The following ZMYM2 variants were observed in gnomAD, a reference collection of about 807,000 sequenced individuals.
The protein encoded by ZMYM2 is zinc finger MYM-type containing 2.
ZMYM2 carries 56 observed loss-of-function variants against 162.8 expected under a neutral mutation model. That is an observed-to-expected ratio of 0.34 (90% confidence interval 0.28 to 0.43). The LOEUF is 0.43. Ranked by LOEUF, ZMYM2 falls within the 20% of genes least tolerant of loss-of-function variation. The probability of loss-of-function intolerance (pLI) is 1.00; values close to 1 mark genes in which losing one functional copy is unlikely to be tolerated. For synonymous variants in ZMYM2, 510 were observed against 541.6 expected (o/e 0.94, Z 0.81); for missense variants, 1,275 against 1,621.8 (o/e 0.79, Z 3.67).
intron 6 of ZMYM2, among the ~76,000 whole-genome samples, chr13:20,017,781 T>A (rs1163081945): frequency 6.6e-6 from 1 of 152,190 alleles, no homozygotes; most frequent in Non-Finnish European, 1.5e-5. Flanking sequence ...TCTAGAAGTT[T>A]CTGTGTTTTC....
intron 6 of ZMYM2, among the ~76,000 whole-genome samples, 153 bp downstream of exon 6, chr13:20,006,739 A>G (rs763105150): frequency 6.6e-6 from 1 of 152,232 alleles, no homozygotes; most frequent in Non-Finnish European, 1.5e-5. Flanking sequence ...TACTGAATGC[A>G]TAGTGCTTTG....
chr13:20,026,495 C>G, intron 7 of ZMYM2, 117 bp from the exon 8 acceptor site: 1 of 985,346 alleles, frequency 1.0e-6, no homozygotes, highest in Non-Finnish European at 1.5e-6. Flanking sequence ...GACTCTAAAC[C>G]TGTTTAGAGA....
chr13:19,940,878 G>C, the ZMYM2 span, among the ~76,000 whole-genome samples: 1 of 152,168 alleles, frequency 6.6e-6, no homozygotes, highest in African/African-American at 2.4e-5. Flanking sequence ...TACACCTATA[G>C]TTATGCCAGG....
At chr13:19,895,047 A>G in the ZMYM2 span, among the ~76,000 whole-genome samples, 6 of 136,300 alleles carry the variant, frequency 4.4e-5, no homozygotes, top group African/African-American at 1.6e-4. Context: ...ACTTCACTCC[A>G]GACTGGGCGA....
the ZMYM2 span, among the ~76,000 whole-genome samples, chr13:19,942,932 A>G: frequency 6.6e-6 from 1 of 152,140 alleles, no homozygotes; most frequent in Non-Finnish European, 1.5e-5. Flanking sequence ...GCTAAAAGCT[A>G]TATAGAAATT....
At chr13:19,912,292 G>GTTTTTTTTTTTTTTTTTTTTTTGTTT in the ZMYM2 span, among the ~76,000 whole-genome samples, 1 of 75,714 alleles carries the variant, frequency 1.3e-5, no homozygotes, top group African/African-American at 5.2e-5. Flanking sequence ...TGTTTTTTGG[G>GTTTTTTTTTTTTTTTTTTTTTTGTTT]TTTTTTTTTT....
At chr13:19,910,586 T>A in the ZMYM2 span, among the ~76,000 whole-genome samples, 1 of 150,424 alleles carries the variant, frequency 6.6e-6, no homozygotes, top group Non-Finnish European at 1.5e-5. Flanking sequence ...AGTGCAGTGG[T>A]GTGATCTTGG....
chr13:20,046,619 GTATA>G (rs1200652740), intron 12 of ZMYM2, among the ~76,000 whole-genome samples: 39 of 59,082 alleles, frequency 6.6e-4, no homozygotes, highest in East Asian at 3.0e-3. Context: ...ATATATATGT[GTATA>G]TATATGTGTA....
At chr13:19,937,765 T>C in the ZMYM2 span, among the ~76,000 whole-genome samples, 2 of 150,274 alleles carry the variant, frequency 1.3e-5, no homozygotes. Flanking sequence ...ATTAGGTATA[T>C]CTCCTAGTGC....
chr13:20,035,512 G>T (rs1021901149), intron 11 of ZMYM2, among the ~76,000 whole-genome samples: 1 of 152,278 alleles, frequency 6.6e-6, no homozygotes, highest in South Asian at 2.1e-4. Context: ...TTACATTTGA[G>T]TTGTGCAATG....
intron 12 of ZMYM2, among the ~76,000 whole-genome samples, chr13:20,048,528 A>G (rs928357208): frequency 2.0e-5 from 3 of 151,906 alleles, no homozygotes; most frequent in Non-Finnish European, 4.4e-5. Flanking sequence ...AAATACCCCT[A>G]TCTTTTTCGT....
the ZMYM2 span, among the ~76,000 whole-genome samples, chr13:19,892,115 A>AT: frequency 3.5e-4 from 53 of 151,134 alleles, no homozygotes; most frequent in Middle Eastern, 3.4e-3. Context: ...TAATTTTTAA[A>AT]TTTTTTTTGT....
chr13:20,051,519 A>G lies in ZMYM2; in HGVS notation c.2379A>G (p.Gln793=), dbSNP rs368062348. 17 of 1,613,554 alleles carry G rather than the reference A, an allele frequency of 1.1e-5. No homozygotes were observed. In the African/African-American group the frequency reaches 2.1e-4, roughly 20 times the overall value. ...WRGEMKHFCD[Q]HCLLRFYCQQ... is the part of the protein sequence containing the mutation. ...GGGAAATGAAACATTTCTGTGATCA[A>G]CATTGCTTACTGCGTTTCTACTGTC... The change falls in exon 13 of 25, where the codon CAA becomes CAG. Residue 793 remains glutamine, a synonymous_variant. Transcript: ENST00000610343.
Position 20,020,337 on chromosome 13 carries a change from C to G in ZMYM2, c.1584+719C>G, listed in dbSNP as rs9509006. On this transcript the variant is annotated intron_variant, in intron 7 of 24. Transcript: ENST00000610343. Reference sequence around the variant, plus strand: ...GCAACCTCCGCCCCCTGGGTTCAAGCGATTCTCCTGCCTCAGCCTCCCAAG... The same window carrying G: ...GCAACCTCCGCCCCCTGGGTTCAAGGGATTCTCCTGCCTCAGCCTCCCAAG... Among the ~76,000 whole-genome samples, 3 of 151,332 alleles carry G rather than the reference C, an allele frequency of 2.0e-5. No individual in the cohort carries two copies. The Admixed American group carries it at 2.0e-4, about 10-fold the overall frequency.
chr13:20,058,750 T>C, intron 15 of ZMYM2, 46 bp downstream of exon 15: 2 of 1,602,512 alleles, frequency 1.2e-6, no homozygotes, highest in Non-Finnish European at 1.7e-6. Flanking sequence ...TACCTTCATC[T>C]CACCTAATGA....
intron 3 of ZMYM2, among the ~76,000 whole-genome samples, chr13:19,997,075 A>G (rs1048248460): frequency 1.3e-5 from 2 of 152,184 alleles, no homozygotes; most frequent in Non-Finnish European, 2.9e-5. Context: ...ACCACTATCA[A>G]TGCTTTGGGT....
chr13:19,989,849 T>G (rs1949468467), intron 2 of ZMYM2, among the ~76,000 whole-genome samples: 1 of 152,238 alleles, frequency 6.6e-6, no homozygotes, highest in South Asian at 2.1e-4. Flanking sequence ...GTTCTGTAAC[T>G]TTTAAAAGTC....
At chr13:19,897,074 A>C in the ZMYM2 span, among the ~76,000 whole-genome samples, 1 of 148,236 alleles carries the variant, frequency 6.7e-6, no homozygotes, top group Non-Finnish European at 1.5e-5. Context: ...CTCTGCCTCA[A>C]AAAAAAAAAA....
In ZMYM2 at chr13:20,082,993, C is replaced by T. The variant is rs773436243; in HGVS notation, c.3781C>T (p.Arg1261Ter). ...PLTMENKACL[R>*]YQVSSLCGTD... Reference sequence around the variant, plus strand: ...AACGATGGAAAACAAAGCGTGTCTTCGATACCAAGTGTCTTCCTTGTGTGG... The same window carrying T: ...AACGATGGAAAACAAAGCGTGTCTTTGATACCAAGTGTCTTCCTTGTGTGG... The change falls in exon 23 of 25, where the codon CGA becomes TGA. Residue 1261 changes from arginine (R) to a stop codon, truncating the protein, a stop_gained. Transcript: ENST00000610343. LOFTEE classifies it high-confidence loss of function. 2 of 1,613,772 alleles carry T rather than the reference C, an allele frequency of 1.2e-6. No individual in the cohort carries two copies. The highest frequency in any genetic ancestry group is 1.7e-6 in the Non-Finnish European group (2 of 1,179,756).
Sources: allele counts gnomAD v4.1 joint callset (sites outside exome capture counted in the v4.1 genomes callset), GRCh38; gene constraint gnomAD v4.1.1; transcripts MANE v1.5; gene names NCBI Gene and HGNC (gene_info 2026-07-23, HGNC 2026-07-21).